BICD2: variants seen among roughly 807,000 people sequenced by gnomAD.
BICD2 encodes the protein BICD cargo adaptor 2.
BICD2 carries 25 observed loss-of-function variants against 72.9 expected under a neutral mutation model. That is an observed-to-expected ratio of 0.34 (90% confidence interval 0.25 to 0.48). BICD2 has a LOEUF of 0.48. Among genes scored for constraint, BICD2 ranks in the 20% least tolerant of loss-of-function variants. The pLI is 0.99. For missense variants in BICD2, 894 were observed against 1,175.2 expected (o/e 0.76, Z 3.50); for synonymous variants, 501 against 516.1 (o/e 0.97, Z 0.40).
intron 1 of BICD2, among the ~76,000 whole-genome samples, chr9:92,746,982 G>T (rs572504064): frequency 4.6e-5 from 7 of 152,208 alleles, no homozygotes; most frequent in Non-Finnish European, 1.0e-4. Flanking sequence ...TCTGACTGTT[G>T]AGGTCAAAGG....
chr9:92,724,381 C>A (rs944734955), intron 2 of BICD2, among the ~76,000 whole-genome samples: 2 of 152,178 alleles, frequency 1.3e-5, no homozygotes, highest in Non-Finnish European at 2.9e-5. Context: ...AAAAGGAATG[C>A]AACAGAGAGG....
chr9:92,751,086 T>G (rs746642407), intron 1 of BICD2, among the ~76,000 whole-genome samples: 7 of 151,924 alleles, frequency 4.6e-5, no homozygotes, highest in Non-Finnish European at 1.0e-4. Flanking sequence ...AATTTTTGTA[T>G]TTTTAGTAGA....
intron 1 of BICD2, among the ~76,000 whole-genome samples, chr9:92,762,291 G>A (rs942289417): frequency 1.3e-4 from 19 of 151,528 alleles, no homozygotes; most frequent in Non-Finnish European, 1.5e-4. Flanking sequence ...AATTAAATAG[G>A]TTAGCAAGAG....
chr9:92,730,558 G>A (rs1305971260), intron 1 of BICD2, among the ~76,000 whole-genome samples: 2 of 152,202 alleles, frequency 1.3e-5, no homozygotes, highest in Non-Finnish European at 2.9e-5. Context: ...GGGGAAGACA[G>A]ACTGATTGAT....
intron 6 of BICD2, among the ~76,000 whole-genome samples, chr9:92,715,975 G>C (rs79728584): frequency 0.039 from 5,873 of 152,238 alleles, 205 homozygotes; most frequent in East Asian, 0.096. Flanking sequence ...CAGAGCCAAG[G>C]AACCACGTGT....
At position 92,713,908 on chromosome 9, in the gene BICD2, G is replaced by C; in HGVS notation, c.*1246C>G. On this transcript the variant is annotated 3_prime_UTR_variant, in exon 7 of 7. Transcript: ENST00000356884. Reference sequence around the variant, plus strand: ...TAACTCGAATGCCTCTTCCGCATGAGAGACAAGGCAAGCAGCCTGCAGGAG... The same window carrying C: ...TAACTCGAATGCCTCTTCCGCATGACAGACAAGGCAAGCAGCCTGCAGGAG... 2 of 1,000,026 alleles carry C rather than the reference G, an allele frequency of 2.0e-6. No homozygotes were observed. Among genetic ancestry groups the C allele is most frequent in the Non-Finnish European group, 2.4e-6 (2 of 838,414 alleles). 61.9% of individuals were successfully genotyped at this position (1,000,026 alleles called of 1,614,324 possible). A position where few individuals can be genotyped will look rare whatever the true frequency, so the allele number is the denominator to read the frequency against.
At chr9:92,728,148 C>G (rs752533146) in intron 2 of BICD2, among the ~76,000 whole-genome samples, 10 of 152,210 alleles carry the variant, frequency 6.6e-5, no homozygotes, top group Non-Finnish European at 1.2e-4. Flanking sequence ...TCAAACTACA[C>G]AGGTTCCAGG....
intron 2 of BICD2, among the ~76,000 whole-genome samples, chr9:92,724,589 T>C (rs1853527821): frequency 6.6e-6 from 1 of 152,120 alleles, no homozygotes; most frequent in Non-Finnish European, 1.5e-5. Context: ...GGCAAAGCCT[T>C]GTACCAGAGG....
chr9:92,752,380 A>C (rs1854169022), intron 1 of BICD2, among the ~76,000 whole-genome samples: 1 of 152,208 alleles, frequency 6.6e-6, no homozygotes, highest in African/African-American at 2.4e-5. Context: ...TAAAGGGGGT[A>C]TAAGAGCCAT....
chr9:92,744,968 A>G (rs918447644), intron 1 of BICD2, among the ~76,000 whole-genome samples: 1 of 152,278 alleles, frequency 6.6e-6, no homozygotes, highest in Non-Finnish European at 1.5e-5. Context: ...CTAGTTTAAA[A>G]GATTAATAAA....
intron 2 of BICD2, among the ~76,000 whole-genome samples, chr9:92,725,249 AG>A (rs538009091): frequency 5.3e-5 from 8 of 152,336 alleles, no homozygotes; most frequent in Admixed American, 5.2e-4. Flanking sequence ...AAGGTGTACT[AG>A]GAGTTCTGTC....
In BICD2 at chr9:92,719,281, G is replaced by C; in HGVS notation, c.1364C>G (p.Ala455Gly). The C allele has an allele frequency of 6.2e-7, 1 of 1,613,852 alleles. No homozygotes were observed. The highest frequency in any genetic ancestry group is 8.5e-7 in the Non-Finnish European group (1 of 1,180,038). Reference sequence around the variant, plus strand: ...ACGAGCCTCGTGCGTGCTGCGCAGTGCCTTGAGCTGCTCGCGGAGCTCGCC... The same window carrying C: ...ACGAGCCTCGTGCGTGCTGCGCAGTCCCTTGAGCTGCTCGCGGAGCTCGCC... ...EAGELREQLK[A>G]LRSTHEAREA... Residue 455 changes from alanine (A) to glycine (G), a missense_variant, in exon 5 of 7, where the codon GCA becomes GGA. Ala to Gly is a moderately conservative substitution (Grantham distance 60, BLOSUM62 0). Transcript: ENST00000356884.
intron 1 of BICD2, among the ~76,000 whole-genome samples, chr9:92,748,265 T>C (rs907784953): frequency 3.3e-5 from 5 of 152,086 alleles, no homozygotes; most frequent in Admixed American, 2.6e-4. Flanking sequence ...GTTCTCCACT[T>C]GGGGGGTTGT....
At chr9:92,753,350 T>C (rs1275119410) in intron 1 of BICD2, among the ~76,000 whole-genome samples, 2 of 152,160 alleles carry the variant, frequency 1.3e-5, no homozygotes, top group East Asian at 1.9e-4. Context: ...TTCATAATAA[T>C]GCCATGATAT....
At chr9:92,755,504 G>A (rs532695036) in intron 1 of BICD2, among the ~76,000 whole-genome samples, 2 of 152,098 alleles carry the variant, frequency 1.3e-5, no homozygotes, top group African/African-American at 2.4e-5. Context: ...GGGGCATCAC[G>A]GAACCTACCG....
intron 1 of BICD2, among the ~76,000 whole-genome samples, chr9:92,742,133 GAT>G (rs1266859667): frequency 6.6e-6 from 1 of 152,192 alleles, no homozygotes; most frequent in African/African-American, 2.4e-5. Context: ...AGATTCATGT[GAT>G]ATGGGTACCA....
At chr9:92,737,540 C>T (rs956332643) in intron 1 of BICD2, among the ~76,000 whole-genome samples, 5 of 152,180 alleles carry the variant, frequency 3.3e-5, no homozygotes, top group Non-Finnish European at 7.3e-5. Context: ...GAGCCCATAC[C>T]AGACGCTTAG....
intron 1 of BICD2, among the ~76,000 whole-genome samples, chr9:92,751,325 A>C (rs1378270394): frequency 1.3e-5 from 2 of 151,970 alleles, no homozygotes; most frequent in African/African-American, 4.8e-5. Context: ...TAATTTTTGC[A>C]TTTTTAGTAG....
At chr9:92,740,985 CCTA>C (rs1397938328) in intron 1 of BICD2, among the ~76,000 whole-genome samples, 1 of 152,136 alleles carries the variant, frequency 6.6e-6, no homozygotes, top group East Asian at 1.9e-4. Context: ...CAGGTCTCGG[CCTA>C]AAGTGTCCCT....
Sources: gnomAD v4.1 joint callset for allele counts (sites outside exome capture counted in the v4.1 genomes callset) on GRCh38, gnomAD v4.1.1 for gene constraint, MANE v1.5 for transcripts, NCBI Gene and HGNC (gene_info 2026-07-23, HGNC 2026-07-21) for gene names.